The following LRP6 variants were observed in gnomAD, a reference collection of about 807,000 sequenced individuals.
The protein encoded by LRP6 is low-density lipoprotein receptor-related protein 6.
Under a neutral mutation model 184.1 loss-of-function variants are expected in LRP6, and 43 were observed. The observed-to-expected ratio is 0.23, with a 90% confidence interval of 0.18 to 0.30. The LOEUF is 0.30. LRP6 is among the 10% of genes least tolerant of loss of function. The probability of loss-of-function intolerance (pLI) is 1.00; values close to 1 mark genes in which losing one functional copy is unlikely to be tolerated. For missense variants in LRP6, 1,571 were observed against 2,005.3 expected (o/e 0.78, Z 4.14); for synonymous variants, 719 against 684.9 (o/e 1.05, Z -0.78).
In LRP6 at chr12:12,131,930, T is replaced by C. The variant is rs1363509267; in HGVS notation, c.3861A>G (p.Val1287=). 1.2e-6 allele frequency: 2 copies of C among 1,614,202 alleles called. No homozygotes were observed. The highest frequency in any genetic ancestry group is 1.7e-5 in the Admixed American group (1 of 60,020). Reference sequence around the variant, plus strand: ...CACACTGGAACTGGGACTCTGAGCATACAGGACAATTGAGTTCATCACTGT... The same window carrying C: ...CACACTGGAACTGGGACTCTGAGCACACAGGACAATTGAGTTCATCACTGT... ...EDHSDELNCP[V]CSESQFQCAS... is the part of the protein sequence containing the mutation. Residue 1287 remains valine, a synonymous_variant, in exon 18 of 23, where the codon GTA becomes GTG. Coordinates refer to ENST00000261349, the MANE Select transcript of LRP6 (RefSeq NM_002336.3).
chr12:12,180,651 A>AT (rs1190663052), intron 6 of LRP6, among the ~76,000 whole-genome samples: 1 of 152,134 alleles, frequency 6.6e-6, no homozygotes, highest in Non-Finnish European at 1.5e-5. Context: ...TCATTCATGT[A>AT]TTTAGGGAAA....
intron 18 of LRP6, 152 bp from the exon 19 acceptor site, chr12:12,131,045 G>C (rs1188097988): frequency 4.1e-6 from 2 of 487,322 alleles, no homozygotes; most frequent in Middle Eastern, 5.5e-4. Context: ...TCCATTGGTT[G>C]AGAGAGAGAA....
At position 12,181,351 on chromosome 12, in the gene LRP6, C is replaced by T. The variant is rs1863340342; in HGVS notation, c.1065G>A (p.Gln355=). Residue 355 remains glutamine, a synonymous_variant, in exon 6 of 23, where the codon CAG becomes CAA. Transcript: ENST00000261349. ...CAATGGCATGACGGATGTCTTCTAA[C>T]TGCAGAACAATGTCTGTAAAATCTG... ...DTPDFTDIVL[Q]LEDIRHAIAI... is the part of the protein sequence containing the mutation. The T allele has an allele frequency of 5.6e-6, 9 of 1,612,882 alleles. No individual in the cohort carries two copies. Among genetic ancestry groups the T allele is most frequent in the Non-Finnish European group, 7.6e-6 (9 of 1,178,862 alleles).
intron 2 of LRP6, among the ~76,000 whole-genome samples, chr12:12,210,316 G>C (rs2137058225): frequency 6.6e-6 from 1 of 152,300 alleles, no homozygotes; most frequent in African/African-American, 2.4e-5. Flanking sequence ...TTACAAATGT[G>C]AATGTGTGTG....
At chr12:12,262,589 G>A (rs1449081312) in intron 1 of LRP6, among the ~76,000 whole-genome samples, 1 of 148,992 alleles carries the variant, frequency 6.7e-6, no homozygotes, top group Non-Finnish European at 1.5e-5. Flanking sequence ...CTAAGAAATA[G>A]TATTTCACAG....
rs1403008956 is a variant in LRP6, at chr12:12,125,360, C to G, written c.4385G>C (p.Arg1462Pro). 6.2e-7 allele frequency: 1 copy of G among 1,613,868 alleles called. No homozygotes were observed. The highest frequency in any genetic ancestry group is 1.7e-5 in the Admixed American group (1 of 59,978). ...MGGSSGPPYD[R>P]AHVTGASSSS... is the part of the protein sequence containing the mutation. ...TGATGATGCTCCTGTAACATGGGCT[C>G]GGTCATAGGGGGGTCCACTGCTTCC... The change falls in exon 21 of 23, where the codon CGA becomes CCA. Residue 1462 changes from arginine (R) to proline (P), a missense_variant. By Grantham distance (103) the Arg-to-Pro change is moderately radical. Transcript: ENST00000261349.
intron 1 of LRP6, among the ~76,000 whole-genome samples, chr12:12,247,820 T>C (rs766606767): frequency 2.6e-5 from 4 of 152,218 alleles, no homozygotes; most frequent in African/African-American, 4.8e-5. Context: ...ACTTTCTGAC[T>C]GCCTAGTATT....
intron 7 of LRP6, among the ~76,000 whole-genome samples, chr12:12,169,743 G>A (rs1199918816): frequency 2.0e-5 from 3 of 152,072 alleles, no homozygotes; most frequent in South Asian, 2.1e-4. Context: ...TCTCTCACTC[G>A]AAAAGCAAAA....
chr12:12,253,802 A>G (rs991544837), intron 1 of LRP6, among the ~76,000 whole-genome samples: 1 of 152,012 alleles, frequency 6.6e-6, no homozygotes, highest in African/African-American at 2.4e-5. Context: ...GCTTCCCTGA[A>G]AGCACTTGCA....
intron 3 of LRP6, 120 bp downstream of exon 3, chr12:12,203,083 C>T: frequency 1.5e-6 from 1 of 672,844 alleles, no homozygotes; most frequent in Non-Finnish European, 2.5e-6. Flanking sequence ...AAAGACTATT[C>T]TTCTTCCCCT....
chr12:12,266,839 C>G lies in LRP6; in HGVS notation c.-104G>C. ...GCAGCGGCAGGGCTGCACGCTCATACTTCCCAGCTTCCCAGCGAGAGAAGA... is the reference window on the plus strand; with the variant it reads ...GCAGCGGCAGGGCTGCACGCTCATAGTTCCCAGCTTCCCAGCGAGAGAAGA... On this transcript the variant is annotated 5_prime_UTR_variant, in exon 1 of 23. Coordinates refer to ENST00000261349, the MANE Select transcript of LRP6 (RefSeq NM_002336.3). 1 of 884,144 alleles carries G rather than the reference C, an allele frequency of 1.1e-6. No homozygotes were observed. Among genetic ancestry groups the G allele is most frequent in the Non-Finnish European group, 1.9e-6 (1 of 538,432 alleles). 54.8% of individuals were successfully genotyped at this position (884,144 alleles called of 1,614,324 possible).
intron 1 of LRP6, among the ~76,000 whole-genome samples, chr12:12,251,435 C>G (rs1354592657): frequency 6.6e-6 from 1 of 152,084 alleles, no homozygotes; most frequent in South Asian, 2.1e-4. Context: ...GGGATCTCAG[C>G]TCACTGCAAG....
At position 12,138,362 on chromosome 12, in the gene LRP6, G is replaced by A. The variant is rs375889566; in HGVS notation, c.3570C>T (p.Asp1190=). The A allele has an allele frequency of 6.2e-7, 1 of 1,614,108 alleles. No individual in the cohort carries two copies. Among genetic ancestry groups the A allele is most frequent in the Non-Finnish European group, 8.5e-7 (1 of 1,180,012 alleles). ...KVQARIAQLS[D]IHAVKELNLQ... ...GGTTCAGCTCCTTTACTGCATGAAT[G>A]TCACTAAGCTGGGCAATTCGAGCTT... The change falls in exon 16 of 23, where the codon GAC becomes GAT. Residue 1190 remains aspartate (D), a synonymous_variant. Coordinates refer to ENST00000261349, the MANE Select transcript of LRP6 (RefSeq NM_002336.3).
At chr12:12,123,313 T>A (rs1949628946) in intron 22 of LRP6, among the ~76,000 whole-genome samples, 1 of 152,228 alleles carries the variant, frequency 6.6e-6, no homozygotes, top group African/African-American at 2.4e-5. Context: ...CTGTTTTGGC[T>A]TCCTAGAAGA....
chr12:12,125,167 G>T, intron 21 of LRP6, 129 bp downstream of exon 21: 1 of 1,025,198 alleles, frequency 9.8e-7, no homozygotes, highest in Non-Finnish European at 1.5e-6. Context: ...AGTCCTTTGA[G>T]CCTTTTATGC....
In LRP6 at chr12:12,247,560, G is replaced by A. The variant is rs183550601; in HGVS notation, c.56-2905C>T. ...TACAATTGAGGATTTGTAAAGGACT[G>A]TACATAAATCTGCTGCACATAAACC... On this transcript the variant is annotated intron_variant, in intron 1 of 22. Transcript: ENST00000261349. 1.2e-4 allele frequency among the ~76,000 whole-genome samples: 18 copies of A among 152,314 alleles called. No individual in the cohort carries two copies. The East Asian group carries it at 3.5e-3, about 29-fold the overall frequency.
chr12:12,224,783 T>C (rs183726916), intron 2 of LRP6, among the ~76,000 whole-genome samples: 202 of 152,328 alleles, frequency 1.3e-3, no homozygotes, highest in Middle Eastern at 6.8e-3. Context: ...TGCAGGTACA[T>C]TGTCTTTCAT....
intron 14 of LRP6, among the ~76,000 whole-genome samples, 182 bp from the exon 15 acceptor site, chr12:12,147,738 G>A (rs1434181833): frequency 6.6e-6 from 1 of 152,116 alleles, no homozygotes; most frequent in African/African-American, 2.4e-5. Flanking sequence ...TTGGGAGACT[G>A]AGGCGGGGGT....
At chr12:12,122,657 C>T (rs1949620394) in intron 22 of LRP6, among the ~76,000 whole-genome samples, 1 of 151,912 alleles carries the variant, frequency 6.6e-6, no homozygotes, top group South Asian at 2.1e-4. Flanking sequence ...TAGCAAGACC[C>T]CGTCTCTACA....
Sources: gnomAD v4.1 joint callset for allele counts (sites outside exome capture counted in the v4.1 genomes callset) on GRCh38, gnomAD v4.1.1 for gene constraint, MANE v1.5 for transcripts, NCBI Gene and HGNC (gene_info 2026-07-23, HGNC 2026-07-21) for gene names.